SLC25A26: variants seen among roughly 807,000 people sequenced by gnomAD.
The protein encoded by SLC25A26 is solute carrier family 25 member 26.
A neutral mutation model predicts 37.8 loss-of-function variants in SLC25A26; 36 were observed. The observed-to-expected ratio is 0.95, with a 90% CI of 0.73 to 1.26. SLC25A26 has a LOEUF of 1.26. Among genes scored for constraint, SLC25A26 ranks in the 50% most tolerant of loss-of-function variants. The probability of loss-of-function intolerance (pLI) is 0.00; values close to 1 mark genes in which losing one functional copy is unlikely to be tolerated. For synonymous variants in SLC25A26, 129 were observed against 122.5 expected, an observed-to-expected ratio of 1.05 and a Z score of -0.35; for missense variants, 390 against 331.1, an observed-to-expected ratio of 1.18 and a Z score of -1.38.
At chr3:66,321,209 C>G (rs1575562320) in intron 5 of SLC25A26, among the ~76,000 whole-genome samples, 1 of 152,206 alleles carries the variant, frequency 6.6e-6, no homozygotes. Flanking sequence ...CTACCTAAAT[C>G]GGAAGTCTGG....
At chr3:66,247,336 TCTCA>T (rs1426869670) in intron 3 of SLC25A26, among the ~76,000 whole-genome samples, 15 of 151,898 alleles carry the variant, frequency 9.9e-5, no homozygotes, top group Non-Finnish European at 2.1e-4. Context: ...AATGATGGGG[TCTCA>T]CTCTGTCAAC....
At position 66,377,821 on chromosome 3, in the gene SLC25A26, C is replaced by G. The variant is rs747147170; in HGVS notation, c.*14C>G. On this transcript the variant is annotated 3_prime_UTR_variant, in exon 10 of 10. Coordinates refer to ENST00000354883, the MANE Select transcript of SLC25A26 (RefSeq NM_001379210.1). ...AAGAGTCCTTGAAGCAGAGACAAGC[C>G]TCACCTCCACTTCTGTCAAGAGAGG... 8.2e-6 allele frequency: 13 copies of G among 1,585,522 alleles called. 1 individual carries two copies. The East Asian group carries it at 1.3e-4, about 16-fold the overall frequency.
rs1055098038 is a variant in SLC25A26 at position 66,331,928 on chromosome 3, TTTTG to T, written c.454-14420_454-14417del. Reference sequence around the variant, plus strand: ...CCCAGCCAAAAAGTTTTTTGTTTTTTTTTGTTTGTTTGTTTGTTTTTGAGACAGA... The same window carrying T: ...CCCAGCCAAAAAGTTTTTTGTTTTTTTTTGTTTGTTTGTTTTTGAGACAGA... On this transcript the variant is annotated intron_variant, in intron 5 of 9. Transcript: ENST00000354883. Among the ~76,000 whole-genome samples, 19 of 152,210 alleles carry T rather than the reference TTTTG, an allele frequency of 1.2e-4. No individual in the cohort carries two copies. In the South Asian group the frequency reaches 2.9e-3, roughly 23 times the overall value.
intron 1 of SLC25A26, among the ~76,000 whole-genome samples, chr3:66,145,904 C>T (rs1462761970): frequency 6.0e-5 from 4 of 66,804 alleles, no homozygotes; most frequent in Non-Finnish European, 1.3e-4. Flanking sequence ...AAGCAAATAA[C>T]TAATAATAAC....
At chr3:66,205,213 A>G (rs1455284369) in intron 1 of SLC25A26, among the ~76,000 whole-genome samples, 2 of 152,202 alleles carry the variant, frequency 1.3e-5, no homozygotes, top group Admixed American at 1.3e-4. Context: ...TTGAACATGC[A>G]TTCTTCTTCC....
intron 1 of SLC25A26, among the ~76,000 whole-genome samples, chr3:66,164,012 T>C (rs2106717709): frequency 6.6e-6 from 1 of 152,304 alleles, no homozygotes; most frequent in East Asian, 1.9e-4. Flanking sequence ...AGTAAAAAAG[T>C]TATCTGGCCC....
At chr3:66,267,012 G>A (rs1024666672) in intron 5 of SLC25A26, among the ~76,000 whole-genome samples, 1 of 152,182 alleles carries the variant, frequency 6.6e-6, no homozygotes, top group East Asian at 1.9e-4. Context: ...ATTTCACTCA[G>A]CTGTCCTTTC....
chr3:66,315,813 A>G (rs2075523126), intron 5 of SLC25A26, among the ~76,000 whole-genome samples: 1 of 152,190 alleles, frequency 6.6e-6, no homozygotes, highest in Non-Finnish European at 1.5e-5. Flanking sequence ...GGGTCCATAT[A>G]TATTTAGGAT....
At chr3:66,255,448 A>C (rs1217131131) in intron 3 of SLC25A26, among the ~76,000 whole-genome samples, 5 of 151,668 alleles carry the variant, frequency 3.3e-5, no homozygotes, top group Admixed American at 3.3e-4. Flanking sequence ...ATATTTAAGG[A>C]GGCCAGCATT....
intron 1 of SLC25A26, among the ~76,000 whole-genome samples, chr3:66,215,539 C>T (rs975628894): frequency 2.8e-4 from 42 of 152,222 alleles, no homozygotes; most frequent in African/African-American, 9.1e-4. Flanking sequence ...GGAGGCAAAG[C>T]GTAAGATGGA....
intron 1 of SLC25A26, among the ~76,000 whole-genome samples, chr3:66,143,183 A>T (rs748574287): frequency 2.2e-4 from 33 of 152,128 alleles, no homozygotes; most frequent in Admixed American, 2.2e-3. Flanking sequence ...AAAAATTGCC[A>T]TTATCCATTA....
chr3:66,270,096 G>A (rs939099842), intron 5 of SLC25A26, among the ~76,000 whole-genome samples: 4 of 152,110 alleles, frequency 2.6e-5, no homozygotes, highest in African/African-American at 9.7e-5. Flanking sequence ...GTTATGTAGG[G>A]TAGTGAATCA....
At position 66,372,950 on chromosome 3, in the gene SLC25A26, G is replaced by A. The variant is rs534843192; in HGVS notation, c.707+2348G>A. ...TAGGATGGAATGGTGCTGCCCTCTC[G>A]GGGTCAAGTCAAGTGGCGACCACTT... On this transcript the variant is annotated intron_variant, in intron 9 of 9. Transcript: ENST00000354883. Among the ~76,000 whole-genome samples the A allele has an allele frequency of 3.9e-5, 6 of 152,260 alleles. No individual in the cohort carries two copies. In the East Asian group the frequency reaches 7.7e-4, roughly 20 times the overall value.
At chr3:66,163,001 C>G (rs928652749) in intron 1 of SLC25A26, among the ~76,000 whole-genome samples, 1 of 152,216 alleles carries the variant, frequency 6.6e-6, no homozygotes, top group African/African-American at 2.4e-5. Flanking sequence ...TTCACCCTGG[C>G]TCTTTCTAGG....
chr3:66,203,336 G>A (rs1353452497), intron 1 of SLC25A26, among the ~76,000 whole-genome samples: 4 of 151,922 alleles, frequency 2.6e-5, no homozygotes, highest in Admixed American at 1.3e-4. Flanking sequence ...AGTGGTGATC[G>A]TGCCACTGCA....
chr3:66,181,322 G>C (rs2070701828), intron 1 of SLC25A26, among the ~76,000 whole-genome samples: 1 of 152,218 alleles, frequency 6.6e-6, no homozygotes, highest in Non-Finnish European at 1.5e-5. Context: ...CTTACTAGTA[G>C]TGTGACCTCC....
At chr3:66,336,823 ATG>A (rs549839774) in intron 5 of SLC25A26, among the ~76,000 whole-genome samples, 3 of 152,042 alleles carry the variant, frequency 2.0e-5, no homozygotes, top group East Asian at 1.9e-4. Flanking sequence ...ACATATGTAT[ATG>A]TGTGTGTGTG....
intron 1 of SLC25A26, among the ~76,000 whole-genome samples, chr3:66,176,111 C>T (rs149553935): frequency 5.3e-5 from 8 of 152,208 alleles, no homozygotes; most frequent in Non-Finnish European, 1.0e-4. Context: ...TTTGAAAAAA[C>T]ACACCTGGCT....
intron 5 of SLC25A26, among the ~76,000 whole-genome samples, chr3:66,286,472 G>C (rs879939763): frequency 1.3e-5 from 2 of 151,656 alleles, no homozygotes; most frequent in African/African-American, 4.8e-5. Context: ...TCACTGAAAT[G>C]CTTTTGCATC....
Sources: gnomAD v4.1 joint callset for allele counts (sites outside exome capture counted in the v4.1 genomes callset) on GRCh38, gnomAD v4.1.1 for gene constraint, MANE v1.5 for transcripts, NCBI Gene and HGNC (gene_info 2026-07-23, HGNC 2026-07-21) for gene names.